GALNT13: variants seen among roughly 807,000 people sequenced by gnomAD.
GALNT13 encodes polypeptide N-acetylgalactosaminyltransferase 13.
A neutral mutation model predicts 64.2 loss-of-function variants in GALNT13; 28 were observed. The ratio of observed to expected loss-of-function variants is 0.44; its 90% CI spans 0.32 to 0.60. The LOEUF (loss-of-function observed/expected upper bound fraction) is 0.60. Among genes scored for constraint, GALNT13 ranks in the 20% least tolerant of loss-of-function variants. GALNT13 has a pLI of 0.05. For missense variants in GALNT13, 577 were observed against 669.8 expected, an observed-to-expected ratio of 0.86 and a Z score of 1.53; for synonymous variants, 214 against 224.6, an observed-to-expected ratio of 0.95 and a Z score of 0.42.
intron 9 of GALNT13, among the ~76,000 whole-genome samples, chr2:154,332,488 G>A (rs1695219499): frequency 6.6e-6 from 1 of 151,950 alleles, no homozygotes; most frequent in Non-Finnish European, 1.5e-5. Context: ...GGTCTATAAA[G>A]CCCTCCTGCA....
At chr2:153,269,824 GAA>G in the GALNT13 span, among the ~76,000 whole-genome samples, 156 of 152,244 alleles carry the variant, frequency 1.0e-3, no homozygotes, top group African/African-American at 3.7e-3. Context: ...AAGGTGGCAG[GAA>G]AGAGAGAGAG....
At chr2:154,455,373 T>C (rs1702018457), downstream of GALNT13, among the ~76,000 whole-genome samples, 1 of 152,186 alleles carries the variant, frequency 6.6e-6, no homozygotes. Flanking sequence ...GTGTACTGAT[T>C]TCACAAATAT....
chr2:154,327,805 C>T (rs1396081938), intron 9 of GALNT13, among the ~76,000 whole-genome samples: 1 of 152,114 alleles, frequency 6.6e-6, no homozygotes, highest in Non-Finnish European at 1.5e-5. Flanking sequence ...TAAAGACAAT[C>T]ATTGGATCAA....
At chr2:154,391,912 A>G (rs537554993) in intron 9 of GALNT13, among the ~76,000 whole-genome samples, 2 of 152,328 alleles carry the variant, frequency 1.3e-5, no homozygotes, top group South Asian at 2.1e-4. Context: ...AAGATGAGAG[A>G]AAGTGATCAA....
At chr2:153,618,710 G>A in the GALNT13 span, among the ~76,000 whole-genome samples, 3 of 151,876 alleles carry the variant, frequency 2.0e-5, no homozygotes, top group South Asian at 2.1e-4. Context: ...AGTGTTGGGT[G>A]CATATATATT....
intron 1 of GALNT13, among the ~76,000 whole-genome samples, chr2:153,873,687 A>C (rs1686151133): frequency 6.6e-6 from 1 of 152,196 alleles, no homozygotes; most frequent in Admixed American, 6.5e-5. Flanking sequence ...CTGAAACAAC[A>C]TAACAACATA....
intron 3 of GALNT13, among the ~76,000 whole-genome samples, chr2:154,059,946 A>G (rs532501206): frequency 1.6e-4 from 24 of 152,236 alleles, no homozygotes; most frequent in Middle Eastern, 6.8e-3. Flanking sequence ...TGTCCTCCAA[A>G]ATTCATATGT....
At chr2:153,922,285 GGAGT>G (rs956199267) in intron 2 of GALNT13, among the ~76,000 whole-genome samples, 1 of 152,050 alleles carries the variant, frequency 6.6e-6, no homozygotes, top group African/African-American at 2.4e-5. Flanking sequence ...ACTTTGAACT[GGAGT>G]ACACCTACTG....
chr2:154,345,807 G>A (rs1448103812), intron 9 of GALNT13, among the ~76,000 whole-genome samples: 1 of 152,004 alleles, frequency 6.6e-6, no homozygotes, highest in Non-Finnish European at 1.5e-5. Context: ...ACTTTCAGGT[G>A]AGAATTTCCA....
At chr2:153,838,175 A>G in the GALNT13 span, among the ~76,000 whole-genome samples, 1 of 152,002 alleles carries the variant, frequency 6.6e-6, no homozygotes, top group Non-Finnish European at 1.5e-5. Context: ...AAAGTTTGCA[A>G]ATATTTTGTC....
At chr2:154,397,586 GC>G (rs1371489014) in intron 10 of GALNT13, among the ~76,000 whole-genome samples, 1 of 152,128 alleles carries the variant, frequency 6.6e-6, no homozygotes, top group Non-Finnish European at 1.5e-5. Flanking sequence ...TGGGTCATCT[GC>G]CTTAATGCTC....
intron 3 of GALNT13, among the ~76,000 whole-genome samples, chr2:153,964,188 C>T (rs1693160856): frequency 6.6e-6 from 1 of 152,034 alleles, no homozygotes; most frequent in Admixed American, 6.6e-5. Context: ...GTGACTCATG[C>T]CTGTAATCCC....
At chr2:153,376,534 G>C in the GALNT13 span, among the ~76,000 whole-genome samples, 2 of 152,218 alleles carry the variant, frequency 1.3e-5, no homozygotes, top group African/African-American at 4.8e-5. Context: ...GATGAACTTT[G>C]TTATATGAAT....
the GALNT13 span, among the ~76,000 whole-genome samples, chr2:153,183,418 G>C: frequency 6.6e-6 from 1 of 151,954 alleles, no homozygotes; most frequent in South Asian, 2.1e-4. Context: ...CCCATTCTGT[G>C]GGTTGTCTGT....
the GALNT13 span, among the ~76,000 whole-genome samples, chr2:153,188,939 C>T: frequency 6.6e-6 from 1 of 152,106 alleles, no homozygotes; most frequent in Non-Finnish European, 1.5e-5. Flanking sequence ...TATACTATCA[C>T]TACAAGCATT....
chr2:154,258,763 C>T (rs1690525586), intron 7 of GALNT13, among the ~76,000 whole-genome samples: 1 of 151,416 alleles, frequency 6.6e-6, no homozygotes, highest in Non-Finnish European at 1.5e-5. Context: ...AAGTACCAGT[C>T]TTCCATGGCC....
chr2:153,772,851 C>A, the GALNT13 span, among the ~76,000 whole-genome samples: 4 of 152,138 alleles, frequency 2.6e-5, no homozygotes, highest in Non-Finnish European at 5.9e-5. Context: ...ATGGTAACAA[C>A]CCTGGGCAGG....
At chr2:153,702,864 A>T in the GALNT13 span, among the ~76,000 whole-genome samples, 1 of 152,196 alleles carries the variant, frequency 6.6e-6, no homozygotes, top group Non-Finnish European at 1.5e-5. Context: ...GATGGTAATT[A>T]AAGGCATGAA....
At chr2:153,795,802 C>T in the GALNT13 span, among the ~76,000 whole-genome samples, 2 of 152,166 alleles carry the variant, frequency 1.3e-5, no homozygotes, top group African/African-American at 4.8e-5. Context: ...TGATAAGCTT[C>T]ATACGTTCTC....
Sources: gnomAD v4.1 joint callset for allele counts (sites outside exome capture counted in the v4.1 genomes callset) on GRCh38, gnomAD v4.1.1 for gene constraint, MANE v1.5 for transcripts, NCBI Gene and HGNC (gene_info 2026-07-23, HGNC 2026-07-21) for gene names.